The following CUL9 variants were observed in gnomAD, a reference collection of about 807,000 sequenced individuals.
CUL9 encodes the protein cullin-9.
In CUL9, 79 loss-of-function variants were observed where a neutral mutation model predicts 272.6. That is an observed-to-expected ratio of 0.29 (90% CI 0.24 to 0.35). The LOEUF is 0.35. Among genes scored for constraint, CUL9 ranks in the 10% least tolerant of loss-of-function variants. The pLI is 1.00. For synonymous variants in CUL9, 1,186 were observed against 1,286.5 expected (o/e 0.92, Z 1.67); for missense variants, 2,532 against 3,255.6 (o/e 0.78, Z 5.41).
Position 43,218,315 on chromosome 6 carries a change from C to T in CUL9, c.6282+1812C>T, listed in dbSNP as rs1776077631. On this transcript the variant is annotated intron_variant, in intron 31 of 40. Transcript: ENST00000252050. The surrounding 1 kb of genome is among the most constrained non-coding windows in gnomAD (Gnocchi z 4.4). ...CATTGCAACCTCCATCTCCCGGGTT[C>T]AAGCGATTCTTCTGCCTCAGCCTCC... 6.6e-6 allele frequency among the ~76,000 whole-genome samples: 1 copy of T among 152,120 alleles called. No individual in the cohort carries two copies. The highest frequency in any genetic ancestry group is 6.5e-5 in the Admixed American group (1 of 15,274).
At position 43,198,942 on chromosome 6, in the gene CUL9, T is replaced by TG. The variant is rs570707988; in HGVS notation, c.3050+87_3050+88insG. 2.3e-4 allele frequency: 322 copies of TG among 1,388,506 alleles called. 1 individual carries two copies. In the East Asian group the frequency reaches 7.1e-3, roughly 30 times the overall value. The allele number at this position is 1,388,506 out of a possible 1,614,324, so 86.0% of individuals were successfully genotyped here. A position where few individuals can be genotyped will look rare whatever the true frequency, so the allele number is the denominator to read the frequency against. The stretch of plus-strand genomic sequence containing the variant: ...TCACTTGTTTCTTTTCTGTTTTCTT[T>TG]TTTTTTTTTTTGAGTTGGAGTTTCA... On this transcript the variant is annotated intron_variant, in intron 12 of 40. Transcript: ENST00000252050.
rs926724336 is a variant in CUL9, at chr6:43,221,497, C to G, written c.6752+176C>G. On this transcript the variant is annotated intron_variant, in intron 34 of 40. Transcript: ENST00000252050. The surrounding 1 kb of genome is among the most constrained non-coding windows in gnomAD (Gnocchi z 4.2). ...GGATCTTAATGTTCCTTCTCCCACTCGTAAGTCCACACTGACTGGGGGAGT... is the reference window on the plus strand; with the variant it reads ...GGATCTTAATGTTCCTTCTCCCACTGGTAAGTCCACACTGACTGGGGGAGT... 2 of 892,374 alleles carry G rather than the reference C, an allele frequency of 2.2e-6. No individual in the cohort carries two copies. The highest frequency in any genetic ancestry group is 3.4e-5 in the African/African-American group (2 of 59,258). 55.3% of individuals were successfully genotyped at this position (892,374 alleles called of 1,614,324 possible).
In CUL9 at chr6:43,196,826, C is replaced by A; in HGVS notation, c.2767C>A (p.Arg923Ser). ...TRTILMMLLN[R>S]YSEPPGSPER... Reference sequence around the variant, plus strand: ...CACCATCCTCATGATGCTTCTCAATCGCTACTCAGAGCCGCCGGGCAGCCC... The same window carrying A: ...CACCATCCTCATGATGCTTCTCAATAGCTACTCAGAGCCGCCGGGCAGCCC... The change falls in exon 11 of 41, where the codon CGC becomes AGC. Residue 923 changes from arginine (R) to serine (S), a missense_variant. By Grantham distance (110) the Arg-to-Ser change is moderately radical. Transcript: ENST00000252050. 1.2e-6 allele frequency: 2 copies of A among 1,614,142 alleles called. No individual in the cohort carries two copies. Among genetic ancestry groups the A allele is most frequent in the South Asian group, 1.1e-5 (1 of 91,078 alleles).
chr6:43,210,400 C>G (rs1775382647), intron 26 of CUL9, among the ~76,000 whole-genome samples: 1 of 151,994 alleles, frequency 6.6e-6, no homozygotes, highest in Non-Finnish European at 1.5e-5. Context: ...AGGCTTTACA[C>G]CCTGGAGCAC....
Position 43,216,474 on chromosome 6 carries a change from T to C in CUL9, c.6253T>C (p.Ser2085Pro). ...CCTGGGGTGTGACGACGACCTGCCCTCTCTCTGCTGCATGCACTATTGCTG... is the reference window on the plus strand; with the variant it reads ...CCTGGGGTGTGACGACGACCTGCCCCCTCTCTGCTGCATGCACTATTGCTG... ...SPLGCDDDLP[S>P]LCCMHYCCKS... Residue 2085 changes from serine (S) to proline (P), a missense_variant, in exon 31 of 41, where the codon TCT becomes CCT. Transcript: ENST00000252050. 1 of 1,601,054 alleles carries C rather than the reference T, an allele frequency of 6.2e-7. No homozygotes were observed. Among genetic ancestry groups the C allele is most frequent in the East Asian group, 2.3e-5 (1 of 44,444 alleles).
chr6:43,208,187 G>C (rs949875703), intron 26 of CUL9, among the ~76,000 whole-genome samples: 9 of 152,138 alleles, frequency 5.9e-5, no homozygotes, highest in Non-Finnish European at 1.3e-4. Context: ...TAATTTAATT[G>C]TAATCAGTTT....
intron 9 of CUL9, among the ~76,000 whole-genome samples, chr6:43,194,903 A>G (rs1414446110): frequency 6.6e-6 from 1 of 152,090 alleles, no homozygotes; most frequent in Non-Finnish European, 1.5e-5. Context: ...TAAAAACACA[A>G]AATTAGCCGG....
rs1052716658 is a variant in CUL9, at chr6:43,221,308, G to A, written c.6739G>A (p.Glu2247Lys). The A allele has an allele frequency of 1.9e-6, 3 of 1,606,006 alleles. No individual in the cohort carries two copies. Among genetic ancestry groups the A allele is most frequent in the African/African-American group, 1.3e-5 (1 of 74,648 alleles). The change falls in exon 34 of 41, where the codon GAG (glutamate) becomes AAG (lysine). Residue 2247 changes from glutamate (E) to lysine (K), a missense_variant. By Grantham distance (56) the Glu-to-Lys change is moderately conservative. Around this residue, in one of 3 missense-constraint regions of CUL9, gnomAD observed 77 missense variants for 161.1 expected, o/e 0.48. Coordinates refer to ENST00000252050, the MANE Select transcript of CUL9 (RefSeq NM_015089.4). This position sits in a 1 kb window ranked among gnomAD's most constrained non-coding sequence, Gnocchi z 4.2. ...PSCQAPIEKN[E>K]GCLHMTCAKC... Reference sequence around the variant, plus strand: ...CTGTCAGGCTCCCATCGAGAAGAACGAGGGGTGCCTGCAGTAAGAAGGGGG... The same window carrying A: ...CTGTCAGGCTCCCATCGAGAAGAACAAGGGGTGCCTGCAGTAAGAAGGGGG...
In CUL9 at chr6:43,221,508, A is replaced by G; in HGVS notation, c.6753-177A>G. 2 of 878,526 alleles carry G rather than the reference A, an allele frequency of 2.3e-6. No homozygotes were observed. The highest frequency in any genetic ancestry group is 3.4e-6 in the Non-Finnish European group (2 of 582,260). The allele number at this position is 878,526 out of a possible 1,614,324, so 54.4% of individuals were successfully genotyped here. A position where few individuals can be genotyped will look rare whatever the true frequency, so the allele number is the denominator to read the frequency against. ...TTCCTTCTCCCACTCGTAAGTCCAC[A>G]CTGACTGGGGGAGTTCAAAAGCAGA... On this transcript the variant is annotated intron_variant, in intron 34 of 40. Transcript: ENST00000252050. The surrounding 1 kb of genome is among the most constrained non-coding windows in gnomAD (Gnocchi z 4.2).
rs944481912 is a variant in CUL9, at chr6:43,215,329, A to G, written c.5936+3A>G. The stretch of plus-strand genomic sequence containing the variant: ...CAGAGCGAAACCTCCAAGCCCAGGT[A>G]GCCACTGCACCTGACCCCTTGCAGT... On this transcript the variant is annotated splice_donor_region_variant and intron_variant, in intron 30 of 40. Coordinates refer to ENST00000252050, the MANE Select transcript of CUL9 (RefSeq NM_015089.4). 3 of 1,604,016 alleles carry G rather than the reference A, an allele frequency of 1.9e-6. No homozygotes were observed. The African/African-American group carries it at 4.0e-5, about 21-fold the overall frequency.
chr6:43,205,968 AC>A, intron 24 of CUL9, 38 bp from the exon 25 acceptor site: 1 of 1,590,752 alleles, frequency 6.3e-7, no homozygotes. Flanking sequence ...CCACGCTGGC[AC>A]CCACACTGAG....
At position 43,221,738 on chromosome 6, in the gene CUL9, G is replaced by A. The variant is rs1258993354; in HGVS notation, c.6806G>A (p.Trp2269Ter). ...TTCTGCTGGCGCTGCCTCAAGTCCT[G>A]GAAGCCAAATCACAAAGACTATTAC... ...HGFCWRCLKSWKPNHKDYYNC... is the reference protein window; with the variant it reads ...HGFCWRCLKS Residue 2269 changes from tryptophan to a stop codon, truncating the protein, a stop_gained, in exon 35 of 41, where the codon TGG becomes TAG. Coordinates refer to ENST00000252050, the MANE Select transcript of CUL9 (RefSeq NM_015089.4). LOFTEE classifies it high-confidence loss of function. The surrounding 1 kb of genome is among the most constrained non-coding windows in gnomAD (Gnocchi z 4.2). 3 of 1,613,646 alleles carry A rather than the reference G, an allele frequency of 1.9e-6. No homozygotes were observed. Among genetic ancestry groups the A allele is most frequent in the Non-Finnish European group, 2.5e-6 (3 of 1,180,028 alleles).
intron 29 of CUL9, among the ~76,000 whole-genome samples, chr6:43,214,151 G>A (rs1039394852): frequency 8.5e-5 from 13 of 152,224 alleles, no homozygotes; most frequent in Admixed American, 4.6e-4. Flanking sequence ...CAGGTACAGT[G>A]GCTCATATCT....
In CUL9 at chr6:43,206,390, C is replaced by G; in HGVS notation, c.5092C>G (p.Leu1698Val). Residue 1698 changes from leucine (L) to valine (V), a missense_variant, in exon 26 of 41, where the codon CTG becomes GTG. By Grantham distance (32) the Leu-to-Val change is conservative. This residue lies in a region of CUL9 where 2,218 missense variants were observed against 2,788.6 expected (regional missense o/e 0.80). Transcript: ENST00000252050. The surrounding 1 kb of genome is among the most constrained non-coding windows in gnomAD (Gnocchi z 4.8). Reference sequence around the variant, plus strand: ...AGATCCAAGTCCAGCCATTTCTATACTGGTCCTGTCACCACGCTGCTGGCC... The same window carrying G: ...AGATCCAAGTCCAGCCATTTCTATAGTGGTCCTGTCACCACGCTGCTGGCC... ...IEDPSPAISI[L>V]VLSPRCWPVS... is the part of the protein sequence containing the mutation. The G allele has an allele frequency of 6.2e-7, 1 of 1,614,196 alleles. No individual in the cohort carries two copies. Among genetic ancestry groups the G allele is most frequent in the Non-Finnish European group, 8.5e-7 (1 of 1,180,038 alleles).
rs777544352 is a variant in CUL9, at chr6:43,187,256, C to T, written c.1398C>T (p.Ser466=). 2.5e-6 allele frequency: 4 copies of T among 1,613,896 alleles called. No homozygotes were observed. The highest frequency in any genetic ancestry group is 1.1e-5 in the South Asian group (1 of 91,080). Residue 466 remains serine, a synonymous_variant, in exon 6 of 41, where the codon TCC becomes TCT. Coordinates refer to ENST00000252050, the MANE Select transcript of CUL9 (RefSeq NM_015089.4). ...TGCCTGTGTCCTCAGCATTTCCCTCCTGGGACTGGAATCCTATGGATGGGC... is the reference window on the plus strand; with the variant it reads ...TGCCTGTGTCCTCAGCATTTCCCTCTTGGGACTGGAATCCTATGGATGGGC... ...GATVLGTAFP[S]WDWNPMDGLY...
At chr6:43,187,656 G>T in intron 6 of CUL9, 57 bp from the exon 7 acceptor site, 2 of 1,562,674 alleles carry the variant, frequency 1.3e-6, no homozygotes, top group South Asian at 2.4e-5. Flanking sequence ...TCCCATTACT[G>T]ACCCCAAGAC....
intron 31 of CUL9, among the ~76,000 whole-genome samples, chr6:43,217,036 A>G (rs933517389): frequency 2.6e-5 from 4 of 152,126 alleles, no homozygotes; most frequent in African/African-American, 9.6e-5. Flanking sequence ...TGCTTTTATC[A>G]TATACTCTCA....
chr6:43,189,252 C>T (rs1312541980), intron 8 of CUL9, among the ~76,000 whole-genome samples: 2 of 151,706 alleles, frequency 1.3e-5, no homozygotes, highest in Admixed American at 1.3e-4. Flanking sequence ...TGCAGTGGCG[C>T]GATCTCGGCT....
rs778033665 is a variant in CUL9, at chr6:43,204,773, C to T, written c.4365C>T (p.Asp1455=). The T allele has an allele frequency of 1.2e-6, 2 of 1,614,202 alleles. No homozygotes were observed. The highest frequency in any genetic ancestry group is 1.7e-6 in the Non-Finnish European group (2 of 1,180,028). ...RPFSKNSKGR[D]RSPAPSPVLP... Reference sequence around the variant, plus strand: ...TCAGCAAGAACAGCAAGGGTCGGGACCGGAGCCCGGCGCCTTCGCCAGTGC... The same window carrying T: ...TCAGCAAGAACAGCAAGGGTCGGGATCGGAGCCCGGCGCCTTCGCCAGTGC... Residue 1455 remains aspartate, a synonymous_variant, in exon 22 of 41, where the codon GAC becomes GAT. Coordinates refer to ENST00000252050, the MANE Select transcript of CUL9 (RefSeq NM_015089.4).
Sources: allele counts gnomAD v4.1 joint callset (sites outside exome capture counted in the v4.1 genomes callset), GRCh38; gene constraint gnomAD v4.1.1; regional missense constraint gnomAD v4.1.1; non-coding constraint Gnocchi (gnomAD v3.1); transcripts MANE v1.5; gene names NCBI Gene and HGNC (gene_info 2026-07-23, HGNC 2026-07-21).